Variants in LY86 observed in about 807,000 individuals in gnomAD.
The protein encoded by LY86 is lymphocyte antigen 86, also known as MD-1, RP105-associated.
In LY86, 20 loss-of-function variants were observed where a neutral mutation model predicts 17.3. The ratio of observed to expected loss-of-function variants is 1.15; its 90% CI spans 0.81 to 1.68. The LOEUF (loss-of-function observed/expected upper bound fraction) is 1.68. Among genes scored for constraint, LY86 ranks in the 40% most tolerant of loss-of-function variants. LY86 has a pLI of 0.00. For missense variants in LY86, 200 were observed against 191.9 expected (o/e 1.04, Z -0.25); for synonymous variants, 74 against 70.6 (o/e 1.05, Z -0.24).
At chr6:6,628,680 C>T (rs527535043) in intron 3 of LY86, among the ~76,000 whole-genome samples, 23 of 152,202 alleles carry the variant, frequency 1.5e-4, no homozygotes, top group Non-Finnish European at 2.4e-4. Context: ...TTGAATTTTA[C>T]GGTTAGTGTG....
intron 1 of LY86, among the ~76,000 whole-genome samples, chr6:6,592,378 CAG>C (rs1468404257): frequency 1.3e-5 from 2 of 152,194 alleles, no homozygotes; most frequent in Non-Finnish European, 2.9e-5. Context: ...TACAAAAGCC[CAG>C]AGACTCCACT....
At position 6,601,445 on chromosome 6, in the gene LY86, G is replaced by A. The variant is rs149666715; in HGVS notation, c.136+12575G>A. On this transcript the variant is annotated intron_variant, in intron 1 of 4. Coordinates refer to ENST00000230568, the MANE Select transcript of LY86 (RefSeq NM_004271.4). ...GCAGTTGCAATATACACTAGAGGCC[G>A]GGCGCGGTGGCTCACGCCTGTAATC... is the stretch of plus-strand genomic sequence containing the variant. Among the ~76,000 whole-genome samples, 1,417 of 152,286 alleles carry A rather than the reference G, an allele frequency of 9.3e-3. 18 individuals carry two copies. Among genetic ancestry groups the A allele is most frequent in the Admixed American group, 0.016 (244 of 15,300 alleles).
At chr6:6,610,437 C>T (rs1235175041) in intron 1 of LY86, among the ~76,000 whole-genome samples, 1 of 152,206 alleles carries the variant, frequency 6.6e-6, no homozygotes, top group Non-Finnish European at 1.5e-5. Context: ...GTCTGGGCTC[C>T]ACTGCCCTGG....
chr6:6,618,567 A>G (rs1413577857), intron 1 of LY86, among the ~76,000 whole-genome samples: 1 of 152,190 alleles, frequency 6.6e-6, no homozygotes, highest in African/African-American at 2.4e-5. Flanking sequence ...AGATTTTACC[A>G]TCTCATATCA....
intron 1 of LY86, among the ~76,000 whole-genome samples, chr6:6,597,671 C>A (rs1760757676): frequency 6.6e-6 from 1 of 152,314 alleles, no homozygotes; most frequent in East Asian, 1.9e-4. Context: ...GTAGTGTGCA[C>A]GTCAGCATCC....
intron 1 of LY86, among the ~76,000 whole-genome samples, chr6:6,613,625 T>TC (rs1331681590): frequency 2.6e-5 from 4 of 152,066 alleles, no homozygotes; most frequent in Admixed American, 6.5e-5. Flanking sequence ...CGCCTGCGCT[T>TC]CCCCCTTCAT....
intron 4 of LY86, among the ~76,000 whole-genome samples, chr6:6,653,116 G>A (rs562616374): frequency 3.9e-4 from 59 of 152,290 alleles, no homozygotes; most frequent in African/African-American, 1.4e-3. Context: ...ACTCATGGGA[G>A]CGTCTAGAAT....
chr6:6,617,383 T>C (rs1761579592), intron 1 of LY86, among the ~76,000 whole-genome samples: 1 of 152,172 alleles, frequency 6.6e-6, no homozygotes, highest in Non-Finnish European at 1.5e-5. Context: ...GGCAAGGTAG[T>C]ATAAAGTGAA....
intron 1 of LY86, among the ~76,000 whole-genome samples, chr6:6,595,262 GGGA>G (rs150697721): frequency 6.7e-6 from 1 of 150,102 alleles, no homozygotes; most frequent in South Asian, 2.1e-4. Context: ...AGGAGGGAAG[GGGA>G]GGAGGAGGAT....
rs539051068 is a variant in LY86 at position 6,626,169 on chromosome 6, C to G, written c.224-124C>G. 24 of 907,162 alleles carry G rather than the reference C, an allele frequency of 2.6e-5. No individual in the cohort carries two copies. In the East Asian group the frequency reaches 6.1e-4, roughly 23 times the overall value. The allele number at this position is 907,162 out of a possible 1,614,324, so 56.2% of individuals were successfully genotyped here. ...TTACCAAGGAAAGAAGAAAACTGTTCCCCACACAGAGAAGATTAATGGAAA... is the reference window on the plus strand; with the variant it reads ...TTACCAAGGAAAGAAGAAAACTGTTGCCCACACAGAGAAGATTAATGGAAA... On this transcript the variant is annotated intron_variant, in intron 2 of 4. Coordinates refer to ENST00000230568, the MANE Select transcript of LY86 (RefSeq NM_004271.4).
chr6:6,649,252 G>C (rs1762151731), intron 3 of LY86, among the ~76,000 whole-genome samples: 1 of 152,182 alleles, frequency 6.6e-6, no homozygotes. Context: ...CCACCCCCAT[G>C]ATTCAGTTAC....
chr6:6,648,186 A>G (rs1762135032), intron 3 of LY86, among the ~76,000 whole-genome samples: 1 of 151,704 alleles, frequency 6.6e-6, no homozygotes, highest in Non-Finnish European at 1.5e-5. Context: ...CCCTTCACCA[A>G]TCCATCATTT....
At chr6:6,608,684 C>CA (rs1297636975) in intron 1 of LY86, among the ~76,000 whole-genome samples, 6 of 151,952 alleles carry the variant, frequency 3.9e-5, no homozygotes, top group Non-Finnish European at 8.8e-5. Context: ...GAACAGATGG[C>CA]AAAAAAAGGC....
chr6:6,651,585 ATTGT>A, intron 4 of LY86, among the ~76,000 whole-genome samples: 1 of 152,122 alleles, frequency 6.6e-6, no homozygotes, highest in East Asian at 1.9e-4. Context: ...TGCTATTTGA[ATTGT>A]TTTTCTTTCC....
rs1017462159 is a variant in LY86 at position 6,619,670 on chromosome 6, G to A, written c.137-5256G>A. Among the ~76,000 whole-genome samples, 6 of 152,300 alleles carry A rather than the reference G, an allele frequency of 3.9e-5. No homozygotes were observed. In the East Asian group the frequency reaches 7.7e-4, roughly 20 times the overall value. On this transcript the variant is annotated intron_variant, in intron 1 of 4. Transcript: ENST00000230568. ...TCCTCCTGGGGCCAGCCTGTGTTCT[G>A]CCAAAAGCACATGCAGGAAGCAATA...
At chr6:6,640,898 T>G (rs1413912997) in intron 3 of LY86, among the ~76,000 whole-genome samples, 1 of 152,218 alleles carries the variant, frequency 6.6e-6, no homozygotes, top group Non-Finnish European at 1.5e-5. Flanking sequence ...AACATTAAAT[T>G]TCTCTAGGTA....
intron 1 of LY86, among the ~76,000 whole-genome samples, chr6:6,595,197 A>T (rs1760660622): frequency 6.7e-6 from 1 of 149,570 alleles, no homozygotes; most frequent in Non-Finnish European, 1.5e-5. Flanking sequence ...GAAAAGGAAG[A>T]GGGGGAGAAA....
At chr6:6,620,068 A>G (rs1426097834) in intron 1 of LY86, among the ~76,000 whole-genome samples, 1 of 152,144 alleles carries the variant, frequency 6.6e-6, no homozygotes, top group East Asian at 1.9e-4. Context: ...TTCCCCTGAG[A>G]GGAGGAAGAC....
intron 1 of LY86, among the ~76,000 whole-genome samples, chr6:6,601,659 G>C (rs1290900835): frequency 1.3e-5 from 2 of 152,072 alleles, no homozygotes; most frequent in Non-Finnish European, 2.9e-5. Flanking sequence ...GGCAGAGCTT[G>C]CAGTGAGCAG....
Sources: allele counts gnomAD v4.1 joint callset (sites outside exome capture counted in the v4.1 genomes callset), GRCh38; gene constraint gnomAD v4.1.1; transcripts MANE v1.5; gene names NCBI Gene and HGNC (gene_info 2026-07-23, HGNC 2026-07-21).